Variants in ADAMTS3 observed in about 807,000 individuals in gnomAD.
ADAMTS3 encodes the protein ADAM metallopeptidase with thrombospondin type 1 motif 3, also known as A disintegrin and metalloproteinase with thrombospondin motifs 3.
A neutral mutation model predicts 129.0 loss-of-function variants in ADAMTS3; 73 were observed. The observed-to-expected ratio is 0.57, with a 90% confidence interval of 0.47 to 0.69. The LOEUF (loss-of-function observed/expected upper bound fraction) is 0.69, where lower values mean the gene tolerates loss of function less well. ADAMTS3 is among the 30% of genes least tolerant of loss of function. The probability of loss-of-function intolerance (pLI) is 0.00; values close to 1 mark genes in which losing one functional copy is unlikely to be tolerated. For missense variants in ADAMTS3, 1,457 were observed against 1,514.5 expected (o/e 0.96, Z 0.63); for synonymous variants, 477 against 510.8 (o/e 0.93, Z 0.89).
intron 3 of ADAMTS3, among the ~76,000 whole-genome samples, chr4:72,533,955 G>T (rs1721120061): frequency 2.0e-5 from 3 of 152,084 alleles, no homozygotes; most frequent in African/African-American, 7.2e-5. Flanking sequence ...TTAATTTGGT[G>T]CTTTGATCTC....
At chr4:72,491,793 G>A (rs1285134806) in intron 3 of ADAMTS3, among the ~76,000 whole-genome samples, 3 of 151,598 alleles carry the variant, frequency 2.0e-5, no homozygotes, top group African/African-American at 4.8e-5. Flanking sequence ...AAAATGAGTT[G>A]GAAAGTGTTC....
intron 3 of ADAMTS3, among the ~76,000 whole-genome samples, chr4:72,525,188 C>G (rs186771422): frequency 2.0e-5 from 3 of 152,316 alleles, no homozygotes; most frequent in Admixed American, 2.0e-4. Flanking sequence ...GGAAGAGAAA[C>G]TGCTCCAAAT....
chr4:72,283,377 C>T lies in ADAMTS3; in HGVS notation c.3377G>A (p.Gly1126Asp). The change falls in exon 22 of 22, where the codon GGT (glycine) becomes GAT (aspartate). Residue 1126 changes from glycine to aspartate, a missense_variant. Transcript: ENST00000286657. The stretch of plus-strand genomic sequence containing the variant: ...AGCACTCCTCTGGCGTAAATTAGCA[C>T]CATCAGGTTTACTGTTTGGCCTGAA... ...AAFRPNSKPD[G>D]ANLRQRSAQQ... 6.2e-7 allele frequency: 1 copy of T among 1,613,570 alleles called. No homozygotes were observed. The highest frequency in any genetic ancestry group is 8.5e-7 in the Non-Finnish European group (1 of 1,179,582).
intron 3 of ADAMTS3, among the ~76,000 whole-genome samples, chr4:72,499,824 T>C (rs1017425429): frequency 6.6e-6 from 1 of 152,112 alleles, no homozygotes; most frequent in Admixed American, 6.6e-5. Context: ...CCCATCTTTA[T>C]GTCCATGAGT....
intron 3 of ADAMTS3, among the ~76,000 whole-genome samples, chr4:72,516,081 T>C (rs1046935730): frequency 2.0e-5 from 3 of 152,210 alleles, no homozygotes; most frequent in Non-Finnish European, 2.9e-5. Flanking sequence ...CAGCACCATT[T>C]ATTAAATGGG....
chr4:72,477,913 C>A (rs1273123275), intron 3 of ADAMTS3, among the ~76,000 whole-genome samples: 5 of 152,076 alleles, frequency 3.3e-5, no homozygotes, highest in Non-Finnish European at 1.5e-5. Context: ...ACTACAAACA[C>A]CTCTATGCAA....
chr4:72,400,311 ACACATGGTGTGTG>A (rs2109907221), intron 4 of ADAMTS3, among the ~76,000 whole-genome samples: 1 of 145,528 alleles, frequency 6.9e-6, no homozygotes, highest in African/African-American at 2.5e-5. Flanking sequence ...GTATATATGC[ACACATGGTGTGTG>A]TATATATACA....
intron 3 of ADAMTS3, among the ~76,000 whole-genome samples, chr4:72,424,629 T>C (rs1722525625): frequency 6.6e-6 from 1 of 152,108 alleles, no homozygotes; most frequent in Admixed American, 6.6e-5. Flanking sequence ...ATTATTGTAA[T>C]AACAGTGCAT....
chr4:72,541,644 G>A (rs1161551187), intron 3 of ADAMTS3, among the ~76,000 whole-genome samples: 4 of 152,124 alleles, frequency 2.6e-5, no homozygotes, highest in African/African-American at 4.8e-5. Flanking sequence ...AATCATGGGG[G>A]TGCGTTTTTC....
intron 3 of ADAMTS3, among the ~76,000 whole-genome samples, chr4:72,439,485 T>C (rs1718055154): frequency 6.6e-6 from 1 of 151,752 alleles, no homozygotes; most frequent in African/African-American, 2.4e-5. Flanking sequence ...TTTTTTCCTT[T>C]TTTTAAGATG....
intron 3 of ADAMTS3, among the ~76,000 whole-genome samples, chr4:72,505,939 G>C (rs924058301): frequency 2.6e-5 from 4 of 152,190 alleles, no homozygotes; most frequent in African/African-American, 9.7e-5. Context: ...TGGTGTCCCT[G>C]CACCAACATC....
At chr4:72,516,405 A>G (rs1314291460) in intron 3 of ADAMTS3, among the ~76,000 whole-genome samples, 4 of 152,096 alleles carry the variant, frequency 2.6e-5, no homozygotes, top group Admixed American at 6.6e-5. Context: ...GGATGGCACC[A>G]AATCTATAAA....
intron 4 of ADAMTS3, among the ~76,000 whole-genome samples, chr4:72,339,938 A>G (rs974359062): frequency 3.3e-5 from 5 of 152,218 alleles, no homozygotes; most frequent in East Asian, 1.9e-4. Context: ...CGGTGCCATC[A>G]TGGCAGAAGG....
At chr4:72,389,637 T>C (rs1721536704) in intron 4 of ADAMTS3, among the ~76,000 whole-genome samples, 2 of 152,146 alleles carry the variant, frequency 1.3e-5, no homozygotes, top group Admixed American at 1.3e-4. Flanking sequence ...GCAACTCAAA[T>C]GTGCCAACGT....
chr4:72,308,216 G>C (rs1199208789), intron 15 of ADAMTS3, among the ~76,000 whole-genome samples: 2 of 151,856 alleles, frequency 1.3e-5, no homozygotes, highest in Admixed American at 6.6e-5. Context: ...AATGCAATCA[G>C]TCAGAAATAG....
chr4:72,302,961 C>A (rs1325566882), intron 17 of ADAMTS3, among the ~76,000 whole-genome samples: 1 of 152,168 alleles, frequency 6.6e-6, no homozygotes, highest in Non-Finnish European at 1.5e-5. Context: ...TGATGCCAAA[C>A]ACAAACTTTT....
intron 3 of ADAMTS3, among the ~76,000 whole-genome samples, chr4:72,418,164 A>C (rs1722356957): frequency 6.6e-6 from 1 of 151,998 alleles, no homozygotes; most frequent in Non-Finnish European, 1.5e-5. Context: ...CTCACCAGAC[A>C]CAGAAAACTG....
intron 3 of ADAMTS3, among the ~76,000 whole-genome samples, chr4:72,457,440 T>C (rs927068969): frequency 1.3e-5 from 2 of 151,710 alleles, no homozygotes; most frequent in Admixed American, 6.6e-5. Context: ...AGATATTACA[T>C]GATTCTTTGA....
At chr4:72,509,195 C>T (rs1277335614) in intron 3 of ADAMTS3, among the ~76,000 whole-genome samples, 1 of 151,072 alleles carries the variant, frequency 6.6e-6, no homozygotes, top group Non-Finnish European at 1.5e-5. Flanking sequence ...AATAAACAAT[C>T]TAATGATGCA....
Sources: gnomAD v4.1 joint callset for allele counts (sites outside exome capture counted in the v4.1 genomes callset) on GRCh38, gnomAD v4.1.1 for gene constraint, MANE v1.5 for transcripts, NCBI Gene and HGNC (gene_info 2026-07-23, HGNC 2026-07-21) for gene names.